Variants in PLPP4 observed in about 807,000 individuals in gnomAD.
The protein encoded by PLPP4 is diacylglycerol pyrophosphate like 2.
A neutral mutation model predicts 32.2 loss-of-function variants in PLPP4; 20 were observed. The ratio of observed to expected loss-of-function variants is 0.62; its 90% CI spans 0.44 to 0.90. The LOEUF (loss-of-function observed/expected upper bound fraction) is 0.90. Among genes scored for constraint, PLPP4 ranks in the 40% least tolerant of loss-of-function variants. The pLI is 0.00. For synonymous variants in PLPP4, 127 were observed against 133.0 expected (o/e 0.95, Z 0.31); for missense variants, 257 against 353.1 (o/e 0.73, Z 2.18).
At chr10:120,503,612 T>A in intron 1 of PLPP4, 1 of 1,609,612 alleles carries the variant, frequency 6.2e-7, no homozygotes, top group Non-Finnish European at 8.5e-7. Context: ...CAGGTAGTGA[T>A]GGAAGAGTCT....
intron 5 of PLPP4, among the ~76,000 whole-genome samples, chr10:120,568,455 G>A (rs1382357761): frequency 6.6e-6 from 1 of 152,222 alleles, no homozygotes; most frequent in African/African-American, 2.4e-5. Context: ...TTCTCCTGAA[G>A]TCCATGCACC....
chr10:120,507,476 A>G (rs2133875594), intron 2 of PLPP4, among the ~76,000 whole-genome samples: 1 of 152,342 alleles, frequency 6.6e-6, no homozygotes, highest in South Asian at 2.1e-4. Flanking sequence ...GTTAATCTTC[A>G]GAATCCTTTG....
chr10:120,533,502 A>C (rs1846843885), intron 5 of PLPP4, among the ~76,000 whole-genome samples: 1 of 152,122 alleles, frequency 6.6e-6, no homozygotes, highest in African/African-American at 2.4e-5. Flanking sequence ...TGTTTACAGC[A>C]AAAAGCTTTA....
At chr10:120,520,011 G>C (rs1846085897) in intron 4 of PLPP4, among the ~76,000 whole-genome samples, 1 of 152,174 alleles carries the variant, frequency 6.6e-6, no homozygotes, top group African/African-American at 2.4e-5. Context: ...GAGCAATGAA[G>C]AGCCTTCATT....
At chr10:120,528,169 G>A (rs959004527) in intron 5 of PLPP4, among the ~76,000 whole-genome samples, 1 of 148,564 alleles carries the variant, frequency 6.7e-6, no homozygotes, top group Admixed American at 6.9e-5. Context: ...CCGCCTGCCG[G>A]GTTCACGCCA....
intron 5 of PLPP4, among the ~76,000 whole-genome samples, chr10:120,529,135 C>A (rs1846575313): frequency 6.6e-6 from 1 of 152,134 alleles, no homozygotes; most frequent in South Asian, 2.1e-4. Flanking sequence ...TTGCACCCCC[C>A]AGGGGACATT....
At chr10:120,541,861 G>A (rs1288195512) in intron 5 of PLPP4, among the ~76,000 whole-genome samples, 1 of 151,330 alleles carries the variant, frequency 6.6e-6, no homozygotes, top group Non-Finnish European at 1.5e-5. Context: ...TGCAACCTTT[G>A]TCTCCTGGGT....
chr10:120,457,267 A>T lies in PLPP4; in HGVS notation c.-39A>T, dbSNP rs556582168. On this transcript the variant is annotated 5_prime_UTR_variant, in exon 1 of 7. Transcript: ENST00000398250. ...CGGCCGAGCTGCGGGAGCCGCGGAG[A>T]GCACCAGCTGACGCCGCGGGAGCTG... 2.8e-5 allele frequency: 40 copies of T among 1,448,572 alleles called. No homozygotes were observed. In the Admixed American group the frequency reaches 9.0e-4, roughly 33 times the overall value. The allele number at this position is 1,448,572 out of a possible 1,614,324, so 89.7% of individuals were successfully genotyped here. A position where few individuals can be genotyped will look rare whatever the true frequency, so the allele number is the denominator to read the frequency against.
intron 5 of PLPP4, 128 bp downstream of exon 5, chr10:120,521,223 A>G (rs941508584): frequency 3.5e-6 from 4 of 1,148,836 alleles, no homozygotes; most frequent in African/African-American, 3.1e-5. Flanking sequence ...TCTTCACTTT[A>G]CGGCGTTTGA....
At chr10:120,485,032 T>C (rs1278803414) in intron 1 of PLPP4, among the ~76,000 whole-genome samples, 3 of 152,192 alleles carry the variant, frequency 2.0e-5, no homozygotes, top group African/African-American at 4.8e-5. Context: ...AGCCTCTAGA[T>C]GCTGGAAAAG....
intron 1 of PLPP4, among the ~76,000 whole-genome samples, chr10:120,468,256 A>G (rs138313394): frequency 0.017 from 1,113 of 65,494 alleles, 344 homozygotes; most frequent in African/African-American, 0.034. Flanking sequence ...AATGCAAGAT[A>G]TGGATCTGAA....
At chr10:120,478,287 T>C (rs1175025431) in intron 1 of PLPP4, among the ~76,000 whole-genome samples, 1 of 152,104 alleles carries the variant, frequency 6.6e-6, no homozygotes, top group Non-Finnish European at 1.5e-5. Context: ...CTTGGTGGAG[T>C]CTGGCCTGTT....
intron 6 of PLPP4, among the ~76,000 whole-genome samples, chr10:120,581,846 A>G (rs1303667600): frequency 2.0e-5 from 3 of 152,176 alleles, no homozygotes; most frequent in African/African-American, 4.8e-5. Context: ...TGACAAATGA[A>G]GTCATTTATT....
At chr10:120,512,103 A>AT (rs1491174355) in intron 2 of PLPP4, among the ~76,000 whole-genome samples, 3 of 152,104 alleles carry the variant, frequency 2.0e-5, no homozygotes, top group Non-Finnish European at 4.4e-5. Context: ...CAAAAAAAAA[A>AT]CAAAATGTAC....
intron 5 of PLPP4, 106 bp from the exon 6 acceptor site, chr10:120,575,025 C>A: frequency 8.5e-7 from 1 of 1,180,952 alleles, no homozygotes; most frequent in Non-Finnish European, 1.2e-6. Context: ...GCCAACATGG[C>A]CTTGGCCTTG....
At chr10:120,473,580 C>T (rs1843758512) in intron 1 of PLPP4, among the ~76,000 whole-genome samples, 1 of 152,148 alleles carries the variant, frequency 6.6e-6, no homozygotes, top group Admixed American at 6.5e-5. Context: ...TTGGGTTCCC[C>T]TTCTGAGGCT....
intron 1 of PLPP4, among the ~76,000 whole-genome samples, chr10:120,475,592 C>T (rs939576693): frequency 6.6e-6 from 1 of 152,200 alleles, no homozygotes; most frequent in Admixed American, 6.5e-5. Context: ...ATGCATGAGA[C>T]AGACATGTTC....
intron 5 of PLPP4, among the ~76,000 whole-genome samples, chr10:120,548,978 C>A (rs1473460501): frequency 6.6e-6 from 1 of 151,806 alleles, no homozygotes; most frequent in Admixed American, 6.6e-5. Context: ...AGATATTAGA[C>A]CTTTGTCAGA....
chr10:120,506,833 T>C (rs1845513707), intron 2 of PLPP4, among the ~76,000 whole-genome samples: 2 of 152,212 alleles, frequency 1.3e-5, no homozygotes, highest in East Asian at 1.9e-4. Context: ...CTCTGAAAGT[T>C]GGGTGTAGTT....
Sources: allele counts gnomAD v4.1 joint callset (sites outside exome capture counted in the v4.1 genomes callset), GRCh38; gene constraint gnomAD v4.1.1; transcripts MANE v1.5; gene names NCBI Gene and HGNC (gene_info 2026-07-23, HGNC 2026-07-21).